Variants in GPM6A observed in about 807,000 individuals in gnomAD.
GPM6A encodes neuronal membrane glycoprotein M6-a.
A neutral mutation model predicts 32.1 loss-of-function variants in GPM6A; 7 were observed. That is an observed-to-expected ratio of 0.22 (90% CI 0.12 to 0.41). The LOEUF (loss-of-function observed/expected upper bound fraction) is 0.41. Ranked by LOEUF, GPM6A falls within the 10% of genes least tolerant of loss-of-function variation. The pLI, the probability that GPM6A is intolerant of heterozygous loss-of-function variation, is 1.00. For synonymous variants in GPM6A, 130 were observed against 123.4 expected, an observed-to-expected ratio of 1.05 and a Z score of -0.35; for missense variants, 235 against 347.2, an observed-to-expected ratio of 0.68 and a Z score of 2.57.
intron 2 of GPM6A, among the ~76,000 whole-genome samples, chr4:175,679,943 C>T (rs1287921926): frequency 6.6e-6 from 1 of 152,134 alleles, no homozygotes; most frequent in Non-Finnish European, 1.5e-5. Flanking sequence ...CAGAAACAGG[C>T]ATCTCTTTGA....
At chr4:175,805,381 A>T (rs1734653252) in intron 1 of GPM6A, among the ~76,000 whole-genome samples, 1 of 152,218 alleles carries the variant, frequency 6.6e-6, no homozygotes, top group Non-Finnish European at 1.5e-5. Context: ...CAGACATTGA[A>T]AGTTCTATTA....
At chr4:175,828,446 TAAG>T (rs1008356573) in intron 1 of GPM6A, among the ~76,000 whole-genome samples, 1 of 152,234 alleles carries the variant, frequency 6.6e-6, no homozygotes, top group Non-Finnish European at 1.5e-5. Flanking sequence ...AGAAAAAAAC[TAAG>T]AAGATGACAA....
Position 175,986,802 on chromosome 4 carries a change from GC to G in GPM6A, c.-23+15506del, listed in dbSNP as rs1740990397. ...CAACCATCTAACATGTCATGCAAGA[GC>G]CCCACCCCCTAATTGAGCTCTTGTT... On this transcript the variant is annotated intron_variant, in intron 1 of 7. Coordinates refer to the GPM6A transcript ENST00000280187. Among the ~76,000 whole-genome samples the G allele has an allele frequency of 2.0e-5, 3 of 152,190 alleles. No homozygotes were observed. In the South Asian group the frequency reaches 6.2e-4, roughly 32 times the overall value.
chr4:175,880,034 T>A (rs893592039), intron 1 of GPM6A, among the ~76,000 whole-genome samples: 1 of 152,226 alleles, frequency 6.6e-6, no homozygotes, highest in African/African-American at 2.4e-5. Context: ...AATATTTAAG[T>A]CTTTAATCCA....
At chr4:175,670,767 C>T (rs1743011670) in intron 3 of GPM6A, among the ~76,000 whole-genome samples, 1 of 151,824 alleles carries the variant, frequency 6.6e-6, no homozygotes, top group Non-Finnish European at 1.5e-5. Flanking sequence ...TGAAAGGAAA[C>T]ACAGAATGCA....
chr4:175,871,469 CA>C (rs552315195), intron 1 of GPM6A, among the ~76,000 whole-genome samples: 1 of 151,488 alleles, frequency 6.6e-6, no homozygotes, highest in African/African-American at 2.4e-5. Context: ...GACTCCATCT[CA>C]AAAAAAATAA....
chr4:175,871,049 C>T (rs993735839), intron 1 of GPM6A, among the ~76,000 whole-genome samples: 2 of 151,906 alleles, frequency 1.3e-5, no homozygotes, highest in Non-Finnish European at 2.9e-5. Flanking sequence ...CCCATGCCTC[C>T]TGCTTGGTTT....
chr4:175,673,277 C>G (rs1743181750), intron 3 of GPM6A, among the ~76,000 whole-genome samples: 1 of 151,928 alleles, frequency 6.6e-6, no homozygotes, highest in Non-Finnish European at 1.5e-5. Context: ...AAACAGAAAT[C>G]ATATGATATA....
intron 1 of GPM6A, among the ~76,000 whole-genome samples, chr4:175,938,274 TG>T (rs1255042318): frequency 6.6e-6 from 1 of 152,148 alleles, no homozygotes; most frequent in Non-Finnish European, 1.5e-5. Context: ...TACTCCATAA[TG>T]GTATTGCTGA....
chr4:175,918,933 T>G (rs1159161005), intron 1 of GPM6A, among the ~76,000 whole-genome samples: 2 of 151,956 alleles, frequency 1.3e-5, no homozygotes, highest in African/African-American at 2.4e-5. Context: ...TCTTATTATC[T>G]TATAAAATAT....
At chr4:175,853,063 C>CA (rs1442696166) in intron 1 of GPM6A, among the ~76,000 whole-genome samples, 2 of 152,068 alleles carry the variant, frequency 1.3e-5, no homozygotes, top group Non-Finnish European at 2.9e-5. Context: ...TTGAATCCCA[C>CA]AAAAACCTGA....
At chr4:175,776,375 G>T (rs1733395129) in intron 1 of GPM6A, among the ~76,000 whole-genome samples, 1 of 152,104 alleles carries the variant, frequency 6.6e-6, no homozygotes. Context: ...CCAAACAAAG[G>T]CCTGGCCACA....
chr4:175,757,601 A>C (rs775774446), intron 1 of GPM6A, among the ~76,000 whole-genome samples: 4 of 152,214 alleles, frequency 2.6e-5, no homozygotes, highest in Admixed American at 6.5e-5. Flanking sequence ...GAATGTTCTC[A>C]ACATAAAGTG....
intron 1 of GPM6A, among the ~76,000 whole-genome samples, chr4:175,930,842 C>A (rs956497808): frequency 5.9e-5 from 9 of 152,042 alleles, no homozygotes; most frequent in African/African-American, 1.9e-4. Context: ...AAATCATTGA[C>A]ATTTTTATAA....
intron 1 of GPM6A, among the ~76,000 whole-genome samples, chr4:175,820,125 G>C (rs1241292606): frequency 6.6e-6 from 1 of 152,156 alleles, no homozygotes; most frequent in South Asian, 2.1e-4. Flanking sequence ...CTCAGTGGAC[G>C]TATCTCTGAT....
At chr4:175,776,517 T>C (rs993987039) in intron 1 of GPM6A, among the ~76,000 whole-genome samples, 2 of 152,166 alleles carry the variant, frequency 1.3e-5, no homozygotes, top group Non-Finnish European at 2.9e-5. Flanking sequence ...TCTCTGAGCA[T>C]ATTTTAACTT....
At chr4:175,958,437 G>T (rs879667806) in intron 1 of GPM6A, among the ~76,000 whole-genome samples, 1 of 152,184 alleles carries the variant, frequency 6.6e-6, no homozygotes, top group Non-Finnish European at 1.5e-5. Context: ...TATTTGAAGT[G>T]TATTTTCAAA....
chr4:175,636,748 A>G (rs1740640328), intron 6 of GPM6A, among the ~76,000 whole-genome samples: 2 of 150,314 alleles, frequency 1.3e-5, no homozygotes, highest in African/African-American at 4.9e-5. Context: ...GTGAGCTGAG[A>G]TCATGATACT....
intron 3 of GPM6A, among the ~76,000 whole-genome samples, chr4:175,671,620 G>A (rs965978618): frequency 6.6e-6 from 1 of 152,024 alleles, no homozygotes; most frequent in Admixed American, 6.6e-5. Context: ...TGAGGTGGGG[G>A]TGTGGAGGAA....
Sources: gnomAD v4.1 joint callset for allele counts (sites outside exome capture counted in the v4.1 genomes callset) on GRCh38, gnomAD v4.1.1 for gene constraint, MANE v1.5 for transcripts, NCBI Gene and HGNC (gene_info 2026-07-23, HGNC 2026-07-21) for gene names.